The following NTRK3 variants were observed in gnomAD, a reference collection of about 807,000 sequenced individuals.
NTRK3 encodes the protein NT-3 growth factor receptor.
In NTRK3, 24 loss-of-function variants were observed where a neutral mutation model predicts 91.7. The observed-to-expected ratio is 0.26, with a 90% CI of 0.19 to 0.37. The LOEUF (loss-of-function observed/expected upper bound fraction) is 0.37, where lower values mean the gene tolerates loss of function less well. NTRK3 is among the 10% of genes least tolerant of loss of function. NTRK3 has a pLI of 1.00. For synonymous variants in NTRK3, 483 were observed against 404.0 expected, an observed-to-expected ratio of 1.20 and a Z score of -2.34; for missense variants, 880 against 1,068.9, an observed-to-expected ratio of 0.82 and a Z score of 2.46.
At chr15:88,073,115 C>T (rs1219039589) in intron 13 of NTRK3, among the ~76,000 whole-genome samples, 1 of 152,168 alleles carries the variant, frequency 6.6e-6, no homozygotes, top group East Asian at 1.9e-4. Context: ...GTAAAGACAC[C>T]TGCGGTTCTC....
intron 13 of NTRK3, among the ~76,000 whole-genome samples, chr15:88,062,834 G>T (rs568657533): frequency 6.6e-6 from 1 of 152,334 alleles, no homozygotes; most frequent in South Asian, 2.1e-4. Context: ...GCTACTGAGG[G>T]TCAGCCCTGG....
At chr15:87,999,436 C>T (rs2141603021) in intron 14 of NTRK3, among the ~76,000 whole-genome samples, 1 of 152,334 alleles carries the variant, frequency 6.6e-6, no homozygotes, top group African/African-American at 2.4e-5. Flanking sequence ...CAGATACTGT[C>T]ACTCCCATTA....
intron 13 of NTRK3, among the ~76,000 whole-genome samples, chr15:88,050,035 A>T (rs2080662710): frequency 6.6e-6 from 1 of 152,212 alleles, no homozygotes; most frequent in African/African-American, 2.4e-5. Context: ...GACTATTTTC[A>T]CATAATAGTA....
chr15:88,248,079 C>A (rs564957459), intron 3 of NTRK3, among the ~76,000 whole-genome samples: 1 of 152,348 alleles, frequency 6.6e-6, no homozygotes, highest in East Asian at 1.9e-4. Flanking sequence ...GCACCAGGGG[C>A]ATAGTCCTGC....
At chr15:88,119,601 G>C (rs373147115) in intron 13 of NTRK3, among the ~76,000 whole-genome samples, 4 of 152,236 alleles carry the variant, frequency 2.6e-5, no homozygotes, top group African/African-American at 9.6e-5. Flanking sequence ...TCTTACACCA[G>C]GAATCCCAAG....
intron 13 of NTRK3, among the ~76,000 whole-genome samples, 174 bp from the exon 14 acceptor site, chr15:88,033,219 T>TATATATGTATA (rs1555473214): frequency 7.6e-6 from 1 of 132,344 alleles, no homozygotes; most frequent in African/African-American, 2.9e-5. Flanking sequence ...TATATATAAA[T>TATATATGTATA]TCAGTTGTTT....
At chr15:87,929,162 G>A (rs1212877826) in intron 17 of NTRK3, 29 bp downstream of exon 17, 2 of 1,613,990 alleles carry the variant, frequency 1.2e-6, no homozygotes, top group Non-Finnish European at 8.5e-7. Flanking sequence ...CTCTGTGGCT[G>A]AGTCCTGCAG....
intron 17 of NTRK3, 34 bp from the exon 18 acceptor site, chr15:87,885,769 G>A (rs776547932): frequency 2.7e-5 from 28 of 1,021,652 alleles, no homozygotes; most frequent in Non-Finnish European, 6.6e-6. Context: ...AATAATATTA[G>A]AAGAAAACTT....
chr15:88,016,237 A>G (rs1376400627), intron 14 of NTRK3, among the ~76,000 whole-genome samples: 1 of 152,150 alleles, frequency 6.6e-6, no homozygotes, highest in Non-Finnish European at 1.5e-5. Flanking sequence ...TCTGTTTTCT[A>G]AAGAGACATA....
chr15:87,891,090 C>T (rs1398711400), intron 17 of NTRK3, among the ~76,000 whole-genome samples: 2 of 152,042 alleles, frequency 1.3e-5, no homozygotes, highest in Non-Finnish European at 2.9e-5. Context: ...TCTGCTTTAT[C>T]CTAATTTGTT....
Position 88,237,772 on chromosome 15 carries a change from GA to G in NTRK3, c.248+18133del, listed in dbSNP as rs149666176. 9.4e-5 allele frequency among the ~76,000 whole-genome samples: 14 copies of G among 148,298 alleles called. No individual in the cohort carries two copies. The highest frequency in any genetic ancestry group is 1.3e-4 in the Non-Finnish European group (9 of 66,934). On this transcript the variant is annotated intron_variant, in intron 3 of 18. Coordinates refer to ENST00000394480, the Ensembl canonical transcript of NTRK3. This position sits in a 1 kb window ranked among gnomAD's most constrained non-coding sequence, Gnocchi z 4.0. ...AACAAGACACACCAAAATAAAATGA[GA>G]AAAAAAAAATCAGCCTTGATGAACT... is the stretch of plus-strand genomic sequence containing the variant.
chr15:88,046,957 C>T (rs995920749), intron 13 of NTRK3, among the ~76,000 whole-genome samples: 2 of 152,150 alleles, frequency 1.3e-5, no homozygotes, highest in African/African-American at 4.8e-5. Flanking sequence ...TTGTACGGCA[C>T]GCTTTATATA....
intron 14 of NTRK3, among the ~76,000 whole-genome samples, chr15:87,949,291 G>A (rs2141095044): frequency 6.6e-6 from 1 of 152,138 alleles, no homozygotes; most frequent in South Asian, 2.1e-4. Context: ...TATTGAACCA[G>A]GAAAGTACTG....
rs1567099641 is a variant in NTRK3, at chr15:87,912,934, ATATATATATATATAT to A, written c.2133+16242_2133+16256del. Among the ~76,000 whole-genome samples the A allele has an allele frequency of 6.0e-3, 131 of 21,730 alleles. 4 individuals carry two copies. Among genetic ancestry groups the A allele is most frequent in the Admixed American group, 0.038 (100 of 2,610 alleles). 14.3% of individuals were successfully genotyped at this position (21,730 alleles called of 152,430 possible). ...AACTTTTCAAAAAGTAAAAAAAAAT[ATATATATATATATAT>A]ATATATATATATATATATATATATG... On this transcript the variant is annotated intron_variant, in intron 17 of 18. Coordinates refer to ENST00000394480, the Ensembl canonical transcript of NTRK3.
rs112689844 is a variant in NTRK3 at position 88,059,936 on chromosome 15, G to C, written c.1397-26891C>G. Among the ~76,000 whole-genome samples the C allele has an allele frequency of 2.3e-4, 35 of 152,314 alleles. 1 individual carries two copies. Among genetic ancestry groups the C allele is most frequent in the African/African-American group, 6.7e-4 (28 of 41,574 alleles). On this transcript the variant is annotated intron_variant, in intron 13 of 18. Transcript: ENST00000394480. The stretch of plus-strand genomic sequence containing the variant: ...GGAAGGCCATGTGAAGATACAATGA[G>C]AAGAGCCCAGAAGAGAGGCATTCGA...
At chr15:87,875,160 C>T (rs560854069) in exon 19 of NTRK3, 46 of 232,016 alleles carry the variant, frequency 2.0e-4, no homozygotes, top group Middle Eastern at 2.6e-3. Flanking sequence ...CCGGCAGTCT[C>T]TTCAGCTGGC....
intron 5 of NTRK3, among the ~76,000 whole-genome samples, chr15:88,179,562 G>C (rs528215937): frequency 6.6e-6 from 1 of 152,194 alleles, no homozygotes; most frequent in Non-Finnish European, 1.5e-5. Flanking sequence ...TCAGACAGAC[G>C]TCTACATTCT....
intron 17 of NTRK3, among the ~76,000 whole-genome samples, chr15:87,917,995 G>T (rs112915576): frequency 9.4e-6 from 1 of 106,516 alleles, no homozygotes; most frequent in Non-Finnish European, 1.8e-5. Context: ...CTGTTTTTTT[G>T]TGTTTTTTTT....
intron 5 of NTRK3, among the ~76,000 whole-genome samples, chr15:88,149,351 T>C (rs1452129174): frequency 6.6e-6 from 1 of 152,080 alleles, no homozygotes; most frequent in African/African-American, 2.4e-5. Context: ...GAAACATAGG[T>C]AGATGTCTCC....
Sources: gnomAD v4.1 joint callset for allele counts (sites outside exome capture counted in the v4.1 genomes callset) on GRCh38, gnomAD v4.1.1 for gene constraint, Gnocchi (gnomAD v3.1) non-coding constraint, MANE v1.5 for transcripts, NCBI Gene and HGNC (gene_info 2026-07-23, HGNC 2026-07-21) for gene names.